The following SLC12A7 variants were observed in gnomAD, a reference collection of about 807,000 sequenced individuals.
SLC12A7 encodes the protein K-Cl cotransporter 4.
SLC12A7 carries 100 observed loss-of-function variants against 120.6 expected under a neutral mutation model. That is an observed-to-expected ratio of 0.83 (90% CI 0.71 to 0.98). The LOEUF is 0.98. Among genes scored for constraint, SLC12A7 ranks in the 50% least tolerant of loss-of-function variants. The pLI is 0.00. For synonymous variants in SLC12A7, 760 were observed against 678.0 expected (o/e 1.12, Z -1.88); for missense variants, 1,373 against 1,548.1 (o/e 0.89, Z 1.90).
chr5:1,102,686 A>G (rs1194619975), intron 1 of SLC12A7, among the ~76,000 whole-genome samples: 1 of 152,170 alleles, frequency 6.6e-6, no homozygotes. Context: ...AAGCAAGTCC[A>G]GGCTTCCCGG....
Position 1,089,056 on chromosome 5 carries a change from G to A in SLC12A7, c.415C>T (p.Leu139=). 1.9e-6 allele frequency: 3 copies of A among 1,613,062 alleles called. No individual in the cohort carries two copies. Among genetic ancestry groups the A allele is most frequent in the South Asian group, 2.2e-5 (2 of 91,088 alleles). The change falls in exon 4 of 24, where the codon CTG becomes TTG. Residue 139 remains leucine (L), a synonymous_variant. Coordinates refer to ENST00000264930, the MANE Select transcript of SLC12A7 (RefSeq NM_006598.3). ...ACCCCCACGATCCACGTCAGGCGCA[G>A]GAAGAGGATGACGCCCAGGATGTTC... ...LQNILGVILF[L]RLTWIVGVAG... is the part of the protein sequence containing the mutation.
chr5:1,057,492 T>C lies in SLC12A7; in HGVS notation c.3005A>G (p.Lys1002Arg). 6.2e-7 allele frequency: 1 copy of C among 1,612,678 alleles called. No homozygotes were observed. The highest frequency in any genetic ancestry group is 8.5e-7 in the Non-Finnish European group (1 of 1,179,780). The change falls in exon 22 of 24, where the codon AAA (lysine) becomes AGA (arginine). Residue 1002 changes from lysine (K) to arginine (R), a missense_variant. Lys to Arg is a conservative substitution (Grantham distance 26, BLOSUM62 2). Coordinates refer to ENST00000264930, the MANE Select transcript of SLC12A7 (RefSeq NM_006598.3). ...RSRDTSLSGF[K>R]DLFSMKPDQS... is the part of the protein sequence containing the mutation. Reference sequence around the variant, plus strand: ...TCACGGCTTCATGCTGAAGAGGTCTTTGAAACCAGATAGGCTGGTGTCTCT... The same window carrying C: ...TCACGGCTTCATGCTGAAGAGGTCTCTGAAACCAGATAGGCTGGTGTCTCT...
rs1738529374 is a variant in SLC12A7 at position 1,077,782 on chromosome 5, G to A, written c.1629+51C>T. 4.0e-6 allele frequency: 6 copies of A among 1,493,340 alleles called. No individual in the cohort carries two copies. The African/African-American group carries it at 5.6e-5, about 14-fold the overall frequency. The allele number at this position is 1,493,340 out of a possible 1,614,324, so 92.5% of individuals were successfully genotyped here. On this transcript the variant is annotated intron_variant, in intron 12 of 23. Transcript: ENST00000264930. ...TGTGAGGATCCCGCAGGGGAGGAGA[G>A]CCCCCGACCCTGACCTTCCAGGGTC...
chr5:1,120,600 A>G, the SLC12A7 span, among the ~76,000 whole-genome samples: 13 of 152,184 alleles, frequency 8.5e-5, no homozygotes, highest in Non-Finnish European at 1.8e-4. Flanking sequence ...CACTCTCAAC[A>G]GAAACACACA....
At chr5:1,134,995 C>T in the SLC12A7 span, among the ~76,000 whole-genome samples, 97 of 151,024 alleles carry the variant, frequency 6.4e-4, no homozygotes, top group Admixed American at 1.8e-3. Context: ...GGTATGGTGG[C>T]GGGGGCCTGT....
At chr5:1,059,668 C>T (rs975464611) in intron 21 of SLC12A7, among the ~76,000 whole-genome samples, 18 of 151,694 alleles carry the variant, frequency 1.2e-4, no homozygotes, top group African/African-American at 3.9e-4. Context: ...TACACCCAGA[C>T]GTCCTCAGCA....
the SLC12A7 span, among the ~76,000 whole-genome samples, chr5:1,130,805 G>T: frequency 4.6e-5 from 7 of 152,212 alleles, no homozygotes; most frequent in African/African-American, 1.7e-4. Context: ...GAAGCGGAAA[G>T]AGGAGGAGGC....
chr5:1,053,608 G>A (rs1735289315), intron 22 of SLC12A7, 126 bp from the exon 23 acceptor site: 4 of 1,264,406 alleles, frequency 3.2e-6, no homozygotes, highest in Non-Finnish European at 4.3e-6. Context: ...TCAGGATCAG[G>A]CGGATTCTCT....
the SLC12A7 span, among the ~76,000 whole-genome samples, chr5:1,155,125 C>T: frequency 6.9e-6 from 1 of 144,848 alleles, no homozygotes; most frequent in East Asian, 2.2e-4. Context: ...CCTCAGGCTT[C>T]GGGACCCCCG....
intron 10 of SLC12A7, 144 bp from the exon 11 acceptor site, chr5:1,078,902 C>T (rs1433838245): frequency 2.9e-6 from 2 of 687,038 alleles, no homozygotes; most frequent in Non-Finnish European, 5.3e-6. Context: ...GTTCTGCATC[C>T]CATCCCATCC....
Position 1,075,414 on chromosome 5 carries a change from T to C in SLC12A7, c.1924A>G (p.Met642Val), listed in dbSNP as rs1373984749. The C allele has an allele frequency of 6.2e-7, 1 of 1,612,484 alleles. No homozygotes were observed. ...ICSWYYALSA[M>V]LIAGCIYKYI... ...TTGTAGATGCAGCCAGCGATGAGCA[T>C]GGCGGACAGCGCGTAGTACCAGGAG... is the stretch of plus-strand genomic sequence containing the variant. The change falls in exon 15 of 24, where the codon ATG (methionine) becomes GTG (valine). Residue 642 changes from methionine (M) to valine (V), a missense_variant. Coordinates refer to ENST00000264930, the MANE Select transcript of SLC12A7 (RefSeq NM_006598.3).
At chr5:1,130,567 C>T in the SLC12A7 span, among the ~76,000 whole-genome samples, 1 of 152,198 alleles carries the variant, frequency 6.6e-6, no homozygotes, top group South Asian at 2.1e-4. Context: ...GTCCCCTCAC[C>T]TCCTTAGCCA....
chr5:1,093,694 C>T (rs760871766), intron 2 of SLC12A7, 39 bp from the exon 3 acceptor site: 16 of 1,605,634 alleles, frequency 1.0e-5, no homozygotes, highest in Admixed American at 3.3e-5. Context: ...GCCCGCACCT[C>T]GCCGTGGGCC....
intron 5 of SLC12A7, 132 bp downstream of exon 5, chr5:1,088,174 C>G: frequency 1.2e-6 from 1 of 808,588 alleles, no homozygotes. Context: ...GGAGAACACG[C>G]AGAAGGCCCG....
chr5:1,155,600 C>T, the SLC12A7 span, among the ~76,000 whole-genome samples: 3 of 151,368 alleles, frequency 2.0e-5, no homozygotes, highest in African/African-American at 2.4e-5. Context: ...CCGGGAGCCC[C>T]ACCCCCGCCG....
intron 7 of SLC12A7, among the ~76,000 whole-genome samples, chr5:1,084,376 C>T (rs1739576204): frequency 3.3e-5 from 5 of 152,224 alleles, no homozygotes; most frequent in Admixed American, 2.6e-4. Flanking sequence ...GCCAGCACAG[C>T]CACGCTGCAG....
At chr5:1,057,359 C>G in intron 22 of SLC12A7, 112 bp downstream of exon 22, 1 of 1,149,494 alleles carries the variant, frequency 8.7e-7, no homozygotes, top group East Asian at 2.5e-5. Context: ...GGCCCACTGG[C>G]CTGCAGGGTT....
intron 9 of SLC12A7, among the ~76,000 whole-genome samples, chr5:1,080,657 T>C (rs1738947949): frequency 1.3e-5 from 2 of 152,302 alleles, no homozygotes; most frequent in South Asian, 2.1e-4. Context: ...GGCGTGTGTG[T>C]GCGACTCGAA....
chr5:1,104,106 C>T (rs1455633464), intron 1 of SLC12A7, among the ~76,000 whole-genome samples: 1 of 152,208 alleles, frequency 6.6e-6, no homozygotes, highest in African/African-American at 2.4e-5. Flanking sequence ...CAGGAGGGGC[C>T]TGGCCTGGCG....
Sources: gnomAD v4.1 joint callset for allele counts (sites outside exome capture counted in the v4.1 genomes callset) on GRCh38, gnomAD v4.1.1 for gene constraint, MANE v1.5 for transcripts, NCBI Gene and HGNC (gene_info 2026-07-23, HGNC 2026-07-21) for gene names.